The following PIN4 variants were observed in gnomAD, a reference collection of about 807,000 sequenced individuals.
PIN4 encodes peptidyl-prolyl cis-trans isomerase NIMA-interacting 4.
Under a neutral mutation model 8.3 loss-of-function variants are expected in PIN4, and 3 were observed. That is an observed-to-expected ratio of 0.36 (90% CI 0.16 to 0.93). The LOEUF (loss-of-function observed/expected upper bound fraction) is 0.93. Among genes scored for constraint, PIN4 ranks in the 40% least tolerant of loss-of-function variants. The pLI, the probability that PIN4 is intolerant of heterozygous loss-of-function variation, is 0.44. For synonymous variants in PIN4, 18 were observed against 32.5 expected, an observed-to-expected ratio of 0.55 and a Z score of 1.52; for missense variants, 75 against 100.6, an observed-to-expected ratio of 0.75 and a Z score of 1.09.
chrX:72,256,627 G>A (rs965956158), intron 3 of PIN4, among the ~76,000 whole-genome samples: 1 of 110,793 alleles, frequency 9.0e-6, no homozygotes. Flanking sequence ...CCACAGTCTA[G>A]TCAAGTTGAC....
At chrX:72,191,107 C>T (rs1438884364) in intron 2 of PIN4, among the ~76,000 whole-genome samples, 1 of 110,573 alleles carries the variant, frequency 9.0e-6, no homozygotes, top group Non-Finnish European at 1.9e-5. Flanking sequence ...CCATCCACCA[C>T]CCCACTCCCA....
intron 3 of PIN4, among the ~76,000 whole-genome samples, chrX:72,248,291 GAAAAAAAAAAAAAA>G (rs55908553): frequency 2.4e-4 from 13 of 54,898 alleles, no homozygotes; most frequent in Non-Finnish European, 3.7e-4. Context: ...GCTCCATCCA[GAAAAAAAAAAAAAA>G]AAAAAAAAAA....
At chrX:72,207,673 T>C (rs1469834817) in intron 3 of PIN4, 1 of 1,208,748 alleles carries the variant, frequency 8.3e-7, no homozygotes, top group Non-Finnish European at 1.1e-6. Context: ...AATTAAATCA[T>C]TTTTCCTGGA....
chrX:72,200,428 A>G (rs2147578135), downstream of PIN4, among the ~76,000 whole-genome samples: 1 of 111,851 alleles, frequency 8.9e-6, no homozygotes, highest in East Asian at 2.8e-4. Flanking sequence ...TCATCCATTC[A>G]TTAATGGTGG....
At chrX:72,257,340 A>G (rs763256144) in intron 3 of PIN4, among the ~76,000 whole-genome samples, 1 of 110,422 alleles carries the variant, frequency 9.1e-6, no homozygotes, top group Non-Finnish European at 1.9e-5. Context: ...AAAGAAAAGA[A>G]AAGAAAAGTG....
At chrX:72,220,492 C>T (rs1465801657) in intron 3 of PIN4, among the ~76,000 whole-genome samples, 1 of 111,629 alleles carries the variant, frequency 9.0e-6, no homozygotes, top group Non-Finnish European at 1.9e-5. Context: ...CTAAGGTCAG[C>T]ATGACCATAA....
intron 2 of PIN4, among the ~76,000 whole-genome samples, chrX:72,188,357 T>C (rs1168383856): frequency 9.0e-6 from 1 of 111,601 alleles, no homozygotes; most frequent in Non-Finnish European, 1.9e-5. Flanking sequence ...TTAGCTACTT[T>C]TTTTTATTTT....
chrX:72,255,273 A>AAATAATAAT (rs760269851), intron 3 of PIN4, among the ~76,000 whole-genome samples: 12,910 of 96,258 alleles, frequency 0.13, 1,160 homozygotes, highest in African/African-American at 0.29. Context: ...CCATCTCTAA[A>AAATAATAAT]AATAATAATA....
At chrX:72,239,658 G>A (rs1031148194) in intron 3 of PIN4, among the ~76,000 whole-genome samples, 2 of 109,082 alleles carry the variant, frequency 1.8e-5, no homozygotes, top group Non-Finnish European at 3.8e-5. Context: ...CGCAGTCCCA[G>A]CTACTCGGGT....
At chrX:72,227,733 C>T (rs1252952951) in intron 3 of PIN4, among the ~76,000 whole-genome samples, 1 of 111,721 alleles carries the variant, frequency 9.0e-6, no homozygotes, top group Non-Finnish European at 1.9e-5. Flanking sequence ...CCCCCTCACA[C>T]CTAAATGGAA....
At chrX:72,221,981 C>T (rs2042925763) in intron 3 of PIN4, among the ~76,000 whole-genome samples, 1 of 109,773 alleles carries the variant, frequency 9.1e-6, no homozygotes, top group Non-Finnish European at 1.9e-5. Context: ...TTCGTATTCC[C>T]ATCCCCCTGG....
At chrX:72,186,416 A>C (rs2042703533) in intron 1 of PIN4, 45 bp from the exon 2 acceptor site, 4 of 868,251 alleles carry the variant, frequency 4.6e-6, no homozygotes, top group Non-Finnish European at 6.7e-6. Flanking sequence ...TTCTGTAAAC[A>C]TGGAGGTGCA....
chrX:72,239,269 C>T (rs1301442059), intron 3 of PIN4, among the ~76,000 whole-genome samples: 1 of 112,877 alleles, frequency 8.9e-6, no homozygotes, highest in East Asian at 2.8e-4. Context: ...TTCGCGCGTG[C>T]GTGTGCCATC....
chrX:72,246,300 A>G lies in PIN4; in HGVS notation c.313-16407A>G, dbSNP rs145445614. Among the ~76,000 whole-genome samples, 666 of 110,679 alleles carry G rather than the reference A, an allele frequency of 6.0e-3. 7 individuals are homozygous for G. The highest frequency in any genetic ancestry group is 0.021 in the African/African-American group (626 of 30,405). On this transcript the variant is annotated intron_variant, in intron 3 of 3. Transcript: ENST00000423432. The stretch of plus-strand genomic sequence containing the variant: ...ACCTCTAAAATACATCCCAAATCCA[A>G]TCACTTCTCTCCATCTCCACTGCCA...
At chrX:72,192,090 T>G (rs1350711216) in intron 2 of PIN4, among the ~76,000 whole-genome samples, 2 of 110,791 alleles carry the variant, frequency 1.8e-5, no homozygotes, top group East Asian at 2.8e-4. Context: ...TAGCTGGGAT[T>G]ACAGGCATCC....
Position 72,252,536 on chromosome X carries a change from C to T in PIN4, c.313-10171C>T, listed in dbSNP as rs142095768. On this transcript the variant is annotated intron_variant, in intron 3 of 3. Transcript: ENST00000423432. ...TCCCAAGTAACTGGGATTACAGGCA[C>T]GCGCCACCACACTCAGTTAATTTTT... 5.6e-3 allele frequency among the ~76,000 whole-genome samples: 622 copies of T among 110,956 alleles called. 3 individuals carry two copies. Among genetic ancestry groups the T allele is most frequent in the African/African-American group, 0.018 (554 of 30,476 alleles).
At chrX:72,211,895 G>A (rs1216015819) in intron 3 of PIN4, among the ~76,000 whole-genome samples, 1 of 112,127 alleles carries the variant, frequency 8.9e-6, no homozygotes, top group Non-Finnish European at 1.9e-5. Flanking sequence ...ACTTTCGCTG[G>A]CAAAACTGCC....
At chrX:72,188,771 G>C (rs1569488307) in intron 2 of PIN4, among the ~76,000 whole-genome samples, 1 of 111,532 alleles carries the variant, frequency 9.0e-6, no homozygotes, top group African/African-American at 3.3e-5. Context: ...CGATCCTCCC[G>C]CCTCAGCCTC....
At chrX:72,250,204 T>G (rs2043081351) in intron 3 of PIN4, among the ~76,000 whole-genome samples, 1 of 110,460 alleles carries the variant, frequency 9.1e-6, no homozygotes, top group African/African-American at 3.3e-5. Flanking sequence ...TCTCAAAGGT[T>G]GTTTCATATC....
Sources: allele counts gnomAD v4.1 joint callset (sites outside exome capture counted in the v4.1 genomes callset), GRCh38; gene constraint gnomAD v4.1.1; transcripts MANE v1.5; gene names NCBI Gene and HGNC (gene_info 2026-07-23, HGNC 2026-07-21).